Variants in OPCML observed in about 807,000 individuals in gnomAD.
OPCML encodes opioid binding protein/cell adhesion molecule like, also known as opioid-binding protein/cell adhesion molecule.
In OPCML, 13 loss-of-function variants were observed where a neutral mutation model predicts 37.8. The observed-to-expected ratio is 0.34, with a 90% CI of 0.22 to 0.55. The LOEUF (loss-of-function observed/expected upper bound fraction) is 0.55. OPCML is among the 20% of genes least tolerant of loss of function. The pLI is 0.91. For synonymous variants in OPCML, 176 were observed against 168.8 expected, an observed-to-expected ratio of 1.04 and a Z score of -0.33; for missense variants, 341 against 435.6, an observed-to-expected ratio of 0.78 and a Z score of 1.93.
At chr11:133,092,848 GAA>G (rs951533327) in intron 1 of OPCML, among the ~76,000 whole-genome samples, 3 of 148,024 alleles carry the variant, frequency 2.0e-5, no homozygotes, top group Non-Finnish European at 3.0e-5. Flanking sequence ...GAGAGACAGA[GAA>G]AGAGAGAGAG....
At chr11:132,447,009 A>C (rs2136818272) in intron 4 of OPCML, among the ~76,000 whole-genome samples, 1 of 152,282 alleles carries the variant, frequency 6.6e-6, no homozygotes, top group South Asian at 2.1e-4. Flanking sequence ...GCTTTGGCAA[A>C]GTGGCTTCTT....
intron 2 of OPCML, among the ~76,000 whole-genome samples, chr11:132,695,875 C>T (rs1943582053): frequency 6.6e-6 from 1 of 152,166 alleles, no homozygotes; most frequent in Non-Finnish European, 1.5e-5. Flanking sequence ...CAGGAGAGTG[C>T]TCTAGCACAA....
At chr11:133,490,580 T>C (rs908215752) in intron 1 of OPCML, among the ~76,000 whole-genome samples, 4 of 152,142 alleles carry the variant, frequency 2.6e-5, no homozygotes, top group Non-Finnish European at 1.5e-5. Flanking sequence ...AGCCACCTCC[T>C]CTCAACATGG....
intron 2 of OPCML, among the ~76,000 whole-genome samples, chr11:132,800,362 T>A (rs1206392921): frequency 6.6e-6 from 1 of 152,182 alleles, no homozygotes; most frequent in African/African-American, 2.4e-5. Context: ...AAAAAGATAC[T>A]TTCCTTCTAA....
At chr11:132,440,990 T>C (rs1014615167) in intron 4 of OPCML, among the ~76,000 whole-genome samples, 16 of 151,540 alleles carry the variant, frequency 1.1e-4, no homozygotes, top group Admixed American at 5.3e-4. Flanking sequence ...GGAAACCAAA[T>C]TGCTGACTAT....
chr11:132,925,067 G>T (rs1374813299), intron 2 of OPCML, among the ~76,000 whole-genome samples: 1 of 152,300 alleles, frequency 6.6e-6, no homozygotes, highest in South Asian at 2.1e-4. Flanking sequence ...CTCATCAAAT[G>T]AGCCCATTCT....
intron 3 of OPCML, among the ~76,000 whole-genome samples, chr11:132,631,470 A>AT (rs1242682922): frequency 1.3e-5 from 2 of 148,600 alleles, no homozygotes; most frequent in Admixed American, 6.7e-5. Context: ...ATATTTCTTT[A>AT]TTTTTTTGAG....
At chr11:132,436,955 A>G (rs1401681632) in intron 5 of OPCML, 176 bp from the exon 6 acceptor site, 2 of 971,416 alleles carry the variant, frequency 2.1e-6, no homozygotes, top group African/African-American at 3.5e-5. Flanking sequence ...CTGCTTGAAG[A>G]TACTGCATTG....
intron 1 of OPCML, among the ~76,000 whole-genome samples, chr11:133,391,208 G>A (rs766778705): frequency 1.3e-5 from 2 of 152,220 alleles, no homozygotes; most frequent in Non-Finnish European, 2.9e-5. Flanking sequence ...TGGACAGGCA[G>A]CAGAGATAAA....
At chr11:133,171,629 G>A (rs1329308748) in intron 1 of OPCML, among the ~76,000 whole-genome samples, 1 of 152,216 alleles carries the variant, frequency 6.6e-6, no homozygotes, top group African/African-American at 2.4e-5. Context: ...CGGGTTGTCT[G>A]GGGAGAATTT....
chr11:132,640,873 G>A lies in OPCML; in HGVS notation c.379+16214C>T, dbSNP rs560108092. On this transcript the variant is annotated intron_variant, in intron 3 of 7. Coordinates refer to ENST00000524381, the MANE Select transcript of OPCML (RefSeq NM_001012393.5). ...AAAGGGCAGGGAGAGGGTGGGGATC[G>A]CCCCAGGCCTGCCATGACATGACCA... Among the ~76,000 whole-genome samples, 4 of 152,254 alleles carry A rather than the reference G, an allele frequency of 2.6e-5. No homozygotes were observed. The East Asian group carries it at 5.8e-4, about 22-fold the overall frequency.
At chr11:132,708,941 C>T (rs1221548534) in intron 2 of OPCML, among the ~76,000 whole-genome samples, 1 of 152,160 alleles carries the variant, frequency 6.6e-6, no homozygotes, top group Non-Finnish European at 1.5e-5. Context: ...GAATGGCCAT[C>T]CCTCAGTCCC....
At position 133,208,408 on chromosome 11, in the gene OPCML, T is replaced by G. The variant is rs1192161402; in HGVS notation, c.62-265398A>C. Among the ~76,000 whole-genome samples the G allele has an allele frequency of 6.6e-6, 1 of 152,236 alleles. No individual in the cohort carries two copies. Among genetic ancestry groups the G allele is most frequent in the Non-Finnish European group, 1.5e-5 (1 of 68,042 alleles). ...CATAGGTTAGGATTTTATAACTCTC[T>G]GGAGTTTACTCTGGGCGCAGGATGT... On this transcript the variant is annotated intron_variant, in intron 1 of 7. Coordinates refer to ENST00000524381, the MANE Select transcript of OPCML (RefSeq NM_001012393.5). This position sits in a 1 kb window ranked among gnomAD's most constrained non-coding sequence, Gnocchi z 8.9.
intron 4 of OPCML, among the ~76,000 whole-genome samples, chr11:132,503,235 A>G (rs941647464): frequency 6.6e-6 from 1 of 152,236 alleles, no homozygotes; most frequent in East Asian, 1.9e-4. Flanking sequence ...TTGAGGCTAC[A>G]CTTTTTTCCT....
chr11:132,747,856 C>T (rs1403243456), intron 2 of OPCML, among the ~76,000 whole-genome samples: 4 of 152,044 alleles, frequency 2.6e-5, no homozygotes, highest in South Asian at 2.1e-4. Flanking sequence ...GATGGGGGAG[C>T]GGGTCTCACT....
intron 1 of OPCML, among the ~76,000 whole-genome samples, chr11:133,472,119 C>A (rs1240203376): frequency 6.6e-6 from 1 of 152,082 alleles, no homozygotes; most frequent in Non-Finnish European, 1.5e-5. Context: ...CAAGTGAACC[C>A]TTTTAACACA....
intron 2 of OPCML, among the ~76,000 whole-genome samples, chr11:132,730,381 T>C (rs559963176): frequency 8.1e-4 from 124 of 152,276 alleles, no homozygotes; most frequent in Non-Finnish European, 1.6e-3. Context: ...AGTAATCTTC[T>C]CTTAATAAAA....
chr11:133,073,164 T>C (rs12792823), intron 1 of OPCML, among the ~76,000 whole-genome samples: 4,569 of 152,262 alleles, frequency 0.03, 83 homozygotes, highest in Non-Finnish European at 0.044. Context: ...GCTTCCCCCA[T>C]TAGTCATGGG....
At chr11:133,019,510 T>G (rs555538379) in intron 1 of OPCML, among the ~76,000 whole-genome samples, 112 of 152,220 alleles carry the variant, frequency 7.4e-4, no homozygotes, top group Non-Finnish European at 1.5e-3. Context: ...CACAATCAAT[T>G]ATCATGTCTT....
Sources: gnomAD v4.1 joint callset for allele counts (sites outside exome capture counted in the v4.1 genomes callset) on GRCh38, gnomAD v4.1.1 for gene constraint, Gnocchi (gnomAD v3.1) non-coding constraint, MANE v1.5 for transcripts, NCBI Gene and HGNC (gene_info 2026-07-23, HGNC 2026-07-21) for gene names.